Variants in ADAMTSL1 observed in about 807,000 individuals in gnomAD.
The protein encoded by ADAMTSL1 is ADAMTS like 1, also known as ADAMTS-like protein 1.
A neutral mutation model predicts 201.8 loss-of-function variants in ADAMTSL1; 126 were observed. That is an observed-to-expected ratio of 0.62 (90% CI 0.54 to 0.72). The LOEUF (loss-of-function observed/expected upper bound fraction) is 0.72, where lower values mean the gene tolerates loss of function less well. Among genes scored for constraint, ADAMTSL1 ranks in the 30% least tolerant of loss-of-function variants. The pLI is 0.00. For synonymous variants in ADAMTSL1, 1,121 were observed against 903.4 expected (o/e 1.24, Z -4.32); for missense variants, 2,679 against 2,277.8 (o/e 1.18, Z -3.59).
rs1831341875 is a variant in ADAMTSL1, at chr9:18,248,407, G to T, written c.207+84426G>T. On this transcript the variant is annotated intron_variant, in intron 2 of 29. Transcript: ENST00000680146. Reference sequence around the variant, plus strand: ...GCTGCACTGGGACAAGAAAAGCCAAGGTGTATTCAGCCAGTTCAGGAGCCC... The same window carrying T: ...GCTGCACTGGGACAAGAAAAGCCAATGTGTATTCAGCCAGTTCAGGAGCCC... 4.6e-5 allele frequency among the ~76,000 whole-genome samples: 7 copies of T among 152,232 alleles called. No homozygotes were observed. In the South Asian group the frequency reaches 1.5e-3, roughly 32 times the overall value.
intron 1 of ADAMTSL1, among the ~76,000 whole-genome samples, chr9:18,503,720 C>T (rs1587396037): frequency 6.6e-6 from 1 of 152,216 alleles, no homozygotes; most frequent in East Asian, 1.9e-4. Context: ...ATCTCATCTC[C>T]CTTTCCAATG....
chr9:18,276,554 G>A (rs1832596379), intron 2 of ADAMTSL1, among the ~76,000 whole-genome samples: 1 of 152,170 alleles, frequency 6.6e-6, no homozygotes, highest in African/African-American at 2.4e-5. Context: ...CCTGAGGCTT[G>A]CTAATTTAGC....
At chr9:18,500,932 G>C (rs1450186876) in intron 1 of ADAMTSL1, among the ~76,000 whole-genome samples, 1 of 152,068 alleles carries the variant, frequency 6.6e-6, no homozygotes, top group African/African-American at 2.4e-5. Flanking sequence ...GTGGGGTCAG[G>C]GATAATCTTT....
intron 28 of ADAMTSL1, chr9:18,908,191 G>C: frequency 1.9e-6 from 1 of 513,770 alleles, no homozygotes; most frequent in Admixed American, 3.3e-5. Flanking sequence ...AAAACAAGCA[G>C]ACAGCCCAGG....
chr9:18,082,174 G>C (rs896517374), intron 1 of ADAMTSL1, among the ~76,000 whole-genome samples: 1 of 152,110 alleles, frequency 6.6e-6, no homozygotes, highest in Non-Finnish European at 1.5e-5. Context: ...TTTATATAAA[G>C]GCGGAACAAT....
chr9:18,574,181 T>G lies in ADAMTSL1; in HGVS notation c.389T>G (p.Leu130Arg), dbSNP rs745800286. 1.9e-6 allele frequency: 3 copies of G among 1,614,040 alleles called. No individual in the cohort carries two copies. Among genetic ancestry groups the G allele is most frequent in the Non-Finnish European group, 2.5e-6 (3 of 1,180,002 alleles). Residue 130 changes from leucine (L) to arginine (R), a missense_variant, in exon 4 of 29, where the codon CTG becomes CGG. By Grantham distance (102) the Leu-to-Arg change is moderately radical. Transcript: ENST00000380548. ...AAGTGCCAAGCCAAAGGAACAACCC[T>G]GGTTGTTGAACTAGCACCTAAGGTC... ...SLKCQAKGTTLVVELAPKVLD... is the reference protein window; with the variant it reads ...SLKCQAKGTTRVVELAPKVLD...
chr9:18,027,796 C>G (rs1402322173), intron 1 of ADAMTSL1, among the ~76,000 whole-genome samples: 1 of 152,030 alleles, frequency 6.6e-6, no homozygotes, highest in Non-Finnish European at 1.5e-5. Context: ...CCTCAATGAT[C>G]TAATGCTGTC....
At chr9:18,626,839 T>TTCTTAC (rs757449217) in intron 5 of ADAMTSL1, among the ~76,000 whole-genome samples, 2 of 133,260 alleles carry the variant, frequency 1.5e-5, no homozygotes, top group African/African-American at 5.8e-5. Context: ...CTTACTTTCT[T>TTCTTAC]TTTCTTTCTT....
intron 1 of ADAMTSL1, among the ~76,000 whole-genome samples, chr9:18,089,321 T>C (rs896236681): frequency 6.6e-6 from 1 of 152,104 alleles, no homozygotes; most frequent in Non-Finnish European, 1.5e-5. Context: ...TGCAGGAACA[T>C]GGATGAAGCT....
At chr9:18,138,009 G>A (rs1826232220) in intron 1 of ADAMTSL1, among the ~76,000 whole-genome samples, 1 of 152,156 alleles carries the variant, frequency 6.6e-6, no homozygotes, top group African/African-American at 2.4e-5. Flanking sequence ...GAAGCCCTGA[G>A]ATGCATAACC....
chr9:18,204,808 CTG>C (rs201442681), intron 2 of ADAMTSL1, among the ~76,000 whole-genome samples: 1,611 of 152,214 alleles, frequency 0.011, 12 homozygotes, highest in Non-Finnish European at 0.015. Flanking sequence ...TGGGCAATAA[CTG>C]TAATGTAAGA....
chr9:18,142,796 A>G (rs1424702137), intron 1 of ADAMTSL1, among the ~76,000 whole-genome samples: 1 of 152,232 alleles, frequency 6.6e-6, no homozygotes, highest in Non-Finnish European at 1.5e-5. Context: ...TGTATGTGCC[A>G]TAGTGCCAAA....
chr9:18,726,198 A>G (rs148931196), intron 15 of ADAMTSL1, among the ~76,000 whole-genome samples: 3 of 152,310 alleles, frequency 2.0e-5, no homozygotes, highest in East Asian at 3.9e-4. Context: ...TTATTTAACT[A>G]AAGTCTTAAT....
At chr9:18,246,676 A>G (rs1025462415) in intron 2 of ADAMTSL1, among the ~76,000 whole-genome samples, 2 of 152,364 alleles carry the variant, frequency 1.3e-5, no homozygotes, top group African/African-American at 4.8e-5. Flanking sequence ...CAGAAATTTC[A>G]TAGTTGCAAA....
chr9:18,060,490 C>T (rs964541835), intron 1 of ADAMTSL1, among the ~76,000 whole-genome samples: 1 of 152,158 alleles, frequency 6.6e-6, no homozygotes, highest in Non-Finnish European at 1.5e-5. Context: ...CCAGCTTCAG[C>T]TTCTGACATG....
At position 18,841,780 on chromosome 9, in the gene ADAMTSL1, C is replaced by T. The variant is rs1466605798; in HGVS notation, c.4249+11803C>T. ...TTTAGTCTTGGGAGGGTGTATGTGT[C>T]GAGGAATTTATCCATTTCTTCTAGA... On this transcript the variant is annotated intron_variant, in intron 23 of 28. Coordinates refer to ENST00000380548, the MANE Select transcript of ADAMTSL1 (RefSeq NM_001040272.6). Among the ~76,000 whole-genome samples, 16 of 152,206 alleles carry T rather than the reference C, an allele frequency of 1.1e-4. No individual in the cohort carries two copies. In the East Asian group the frequency reaches 1.7e-3, roughly 17 times the overall value.
intron 2 of ADAMTSL1, among the ~76,000 whole-genome samples, chr9:18,435,744 A>T (rs1819702911): frequency 6.6e-6 from 1 of 152,174 alleles, no homozygotes; most frequent in South Asian, 2.1e-4. Context: ...GGCAAGGAGG[A>T]ACAAGTCACA....
intron 2 of ADAMTSL1, among the ~76,000 whole-genome samples, chr9:18,178,376 A>G (rs1017406958): frequency 2.6e-5 from 4 of 152,224 alleles, no homozygotes; most frequent in African/African-American, 7.2e-5. Context: ...GGAGGGTCCT[A>G]CACCCATGGA....
chr9:18,419,942 C>G (rs1286854230), intron 2 of ADAMTSL1, among the ~76,000 whole-genome samples: 5 of 152,014 alleles, frequency 3.3e-5, no homozygotes, highest in Non-Finnish European at 1.5e-5. Flanking sequence ...GTTGGTCAGG[C>G]TGGTCTTGAA....
Sources: allele counts gnomAD v4.1 joint callset (sites outside exome capture counted in the v4.1 genomes callset), GRCh38; gene constraint gnomAD v4.1.1; transcripts MANE v1.5; gene names NCBI Gene and HGNC (gene_info 2026-07-23, HGNC 2026-07-21).